The following ZNF335 variants were observed in gnomAD, a reference collection of about 807,000 sequenced individuals.
ZNF335 encodes zinc finger protein 335.
In ZNF335, 84 loss-of-function variants were observed where a neutral mutation model predicts 145.6. The observed-to-expected ratio is 0.58, with a 90% CI of 0.48 to 0.69. The LOEUF is 0.69. Among genes scored for constraint, ZNF335 ranks in the 30% least tolerant of loss-of-function variants. The probability of loss-of-function intolerance (pLI) is 0.00; values close to 1 mark genes in which losing one functional copy is unlikely to be tolerated. For missense variants in ZNF335, 1,865 were observed against 1,809.7 expected, an observed-to-expected ratio of 1.03 and a Z score of -0.55; for synonymous variants, 761 against 717.0, an observed-to-expected ratio of 1.06 and a Z score of -0.98.
chr20:45,950,349 C>T lies in ZNF335; in HGVS notation c.3357G>A (p.Lys1119=), dbSNP rs762391039. 5.7e-6 allele frequency: 9 copies of T among 1,588,426 alleles called. No homozygotes were observed. Among genetic ancestry groups the T allele is most frequent in the Non-Finnish European group, 7.7e-6 (9 of 1,164,930 alleles). ...GACTGTGCAGCCGCTGGATGTGGAACTTGAGGTGCCCGTTACGGTTGAAAC... is the reference window on the plus strand; with the variant it reads ...GACTGTGCAGCCGCTGGATGTGGAATTTGAGGTGCCCGTTACGGTTGAAAC... ...GQRFNRNGHL[K]FHIQRLHSPD... The change falls in exon 22 of 28, where the codon AAG becomes AAA. Residue 1119 remains lysine (K), a synonymous_variant. Coordinates refer to ENST00000322927, the MANE Select transcript of ZNF335 (RefSeq NM_022095.4).
At position 45,971,467 on chromosome 20, in the gene ZNF335, A is replaced by G; in HGVS notation, c.-50-7T>C. 6.3e-7 allele frequency: 1 copy of G among 1,584,602 alleles called. No individual in the cohort carries two copies. The highest frequency in any genetic ancestry group is 1.1e-5 in the South Asian group (1 of 89,284). ...AGGGTCTGGGAACTTCACTCTGAGA[A>G]GAGAGGTGACCGTGGCTGGAACAAG... is the stretch of plus-strand genomic sequence containing the variant. On this transcript the variant is annotated splice_polypyrimidine_tract_variant and splice_region_variant and intron_variant, in intron 1 of 27. Coordinates refer to ENST00000322927, the MANE Select transcript of ZNF335 (RefSeq NM_022095.4).
At chr20:45,965,863 T>G in intron 6 of ZNF335, 89 bp from the exon 7 acceptor site, 1 of 1,423,718 alleles carries the variant, frequency 7.0e-7, no homozygotes, top group Non-Finnish European at 9.3e-7. Context: ...TCCCTACCCC[T>G]GCATACTCCT....
chr20:45,960,694 G>A lies in ZNF335; in HGVS notation c.1704C>T (p.Gly568=). 5.0e-6 allele frequency: 8 copies of A among 1,614,098 alleles called. No individual in the cohort carries two copies. Among genetic ancestry groups the A allele is most frequent in the Non-Finnish European group, 6.8e-6 (8 of 1,180,014 alleles). The change falls in exon 12 of 28, where the codon GGC becomes GGT. Residue 568 remains glycine (G), a synonymous_variant. Transcript: ENST00000322927. ...GTCTTTTCTGCATGGGGTACACACG[G>A]CCACACACAGGGCAGGGGAAAGAGC... is the stretch of plus-strand genomic sequence containing the variant. ...KLSSFPCPVC[G]RVYPMQKRLT... is the part of the protein sequence containing the mutation.
intron 15 of ZNF335, 72 bp downstream of exon 15, chr20:45,959,129 C>T: frequency 1.7e-6 from 2 of 1,203,818 alleles, no homozygotes; most frequent in East Asian, 2.8e-5. Context: ...TGTTGCATCT[C>T]AATGTGCAAA....
chr20:45,963,677 G>C (rs1429540028), intron 8 of ZNF335, 27 bp from the exon 9 acceptor site: 3 of 1,613,994 alleles, frequency 1.9e-6, no homozygotes, highest in East Asian at 2.2e-5. Flanking sequence ...TGGCGGAAAG[G>C]TCTGGTGGGG....
chr20:45,954,756 C>T lies in ZNF335; in HGVS notation c.2443-808G>A, dbSNP rs1600525718. 4.1e-5 allele frequency among the ~76,000 whole-genome samples: 6 copies of T among 146,224 alleles called. 1 individual carries two copies. On this transcript the variant is annotated intron_variant, in intron 17 of 27. Transcript: ENST00000322927. ...ACAGAGAGGAGTTCAACCTCATTTA[C>T]GGTCATACAATTACTTTTTTTTTTT...
Position 45,950,442 on chromosome 20 carries a change from T to C in ZNF335, c.3332+11A>G. The C allele has an allele frequency of 6.2e-7, 1 of 1,614,184 alleles. No individual in the cohort carries two copies. The highest frequency in any genetic ancestry group is 1.6e-4 in the Middle Eastern group (1 of 6,062). Reference sequence around the variant, plus strand: ...GCCCAGCAGTCCCCACCCACCAGTATCTGGCCTCACCGCTGCCCGCAGAGG... The same window carrying C: ...GCCCAGCAGTCCCCACCCACCAGTACCTGGCCTCACCGCTGCCCGCAGAGG... On this transcript the variant is annotated intron_variant, in intron 21 of 27. Transcript: ENST00000322927.
chr20:45,963,634 G>A lies in ZNF335; in HGVS notation c.1372C>T (p.Pro458Ser). 6.2e-7 allele frequency: 1 copy of A among 1,614,246 alleles called. No homozygotes were observed. The highest frequency in any genetic ancestry group is 8.5e-7 in the Non-Finnish European group (1 of 1,180,040). ...KKYRKYYYKS[P>S]KPLLRPFLCR... ...AGGAAGGGCCTCAAAAGTGGTTTGG[G>A]CGACTTGTAATAGTACCTGCAGGAT... Residue 458 changes from proline (P) to serine (S), a missense_variant, in exon 9 of 28, where the codon CCC becomes TCC. Pro to Ser is a moderately conservative substitution (Grantham distance 74). Transcript: ENST00000322927.
chr20:45,949,921 C>CCCCT lies in ZNF335; in HGVS notation c.3591+41_3591+44dup, dbSNP rs139139942. 2.3e-3 allele frequency: 3,711 copies of CCCCT among 1,614,100 alleles called. 6 individuals are homozygous for CCCCT. Among genetic ancestry groups the CCCCT allele is most frequent in the Non-Finnish European group, 2.9e-3 (3,445 of 1,179,962 alleles). On this transcript the variant is annotated intron_variant, in intron 23 of 27. Coordinates refer to ENST00000322927, the MANE Select transcript of ZNF335 (RefSeq NM_022095.4). ...CTCTAGCCTCATTTCTCTACCCCAA[C>CCCCT]CCCTGCCTGTCGCTGGCCAGAGGGC... is the stretch of plus-strand genomic sequence containing the variant.
intron 1 of ZNF335, chr20:45,971,783 C>T (rs1194302898): frequency 3.0e-6 from 3 of 985,016 alleles, no homozygotes; most frequent in Non-Finnish European, 3.6e-6. Context: ...GCCCCCGCGT[C>T]CCCCCGGGTT....
intron 17 of ZNF335, among the ~76,000 whole-genome samples, chr20:45,957,101 C>T (rs975993439): frequency 9.9e-5 from 15 of 152,118 alleles, no homozygotes; most frequent in Admixed American, 5.2e-4. Context: ...CAGGGAGGGG[C>T]AAAGGTGTTG....
At chr20:45,959,603 GA>G (rs1203107161) in intron 14 of ZNF335, among the ~76,000 whole-genome samples, 170 bp from the exon 15 acceptor site, 1 of 152,196 alleles carries the variant, frequency 6.6e-6, no homozygotes, top group African/African-American at 2.4e-5. Flanking sequence ...GGACAGAAAT[GA>G]ATCAGGGCCG....
rs148585800 is a variant in ZNF335, at chr20:45,950,319, A to C, written c.3387T>G (p.Asp1129Glu). 3 of 1,578,186 alleles carry C rather than the reference A, an allele frequency of 1.9e-6. No individual in the cohort carries two copies. The highest frequency in any genetic ancestry group is 2.6e-6 in the Non-Finnish European group (3 of 1,160,214). ...KFHIQRLHSP[D>E]GRKSGTPTAR... The stretch of plus-strand genomic sequence containing the variant: ...CTGTAGGGGTTCCTGACTTCCTCCC[A>C]TCAGGACTGTGCAGCCGCTGGATGT... The change falls in exon 22 of 28, where the codon GAT becomes GAG. Residue 1129 changes from aspartate to glutamate, a missense_variant. Physicochemically the swap from Asp to Glu is conservative, Grantham distance 45. Transcript: ENST00000322927.
chr20:45,961,699 C>T (rs559352587), intron 10 of ZNF335: 1 of 185,946 alleles, frequency 5.4e-6, no homozygotes. Flanking sequence ...TTGTGTTTCT[C>T]TGTCTCAGGT....
rs2083610580 is a variant in ZNF335 at position 45,950,473 on chromosome 20, T to A, written c.3312A>T (p.Ala1104=). Residue 1104 remains alanine (A), a synonymous_variant, in exon 21 of 28, where the codon GCA becomes GCT. Transcript: ENST00000322927. ...CTCACCGCTGCCCGCAGAGGTGGCATGCAAAAGGCTTCTCCTTTGTGTGAG... is the reference window on the plus strand; with the variant it reads ...CTCACCGCTGCCCGCAGAGGTGGCAAGCAAAAGGCTTCTCCTTTGTGTGAG... ...MLTHTKEKPF[A]CHLCGQRFNR... The A allele has an allele frequency of 6.2e-7, 1 of 1,614,100 alleles. No homozygotes were observed. Among genetic ancestry groups the A allele is most frequent in the African/African-American group, 1.3e-5 (1 of 74,938 alleles).
chr20:45,962,726 T>C (rs2083867597), intron 9 of ZNF335, among the ~76,000 whole-genome samples: 1 of 152,064 alleles, frequency 6.6e-6, no homozygotes, highest in Admixed American at 6.5e-5. Flanking sequence ...AGGATTTAAT[T>C]ATCCAGTTAC....
rs116816891 is a variant in ZNF335, at chr20:45,959,464, C to G, written c.2021-31G>C. ...GGCACATGTTGGGGCATGCTTAAGT[C>G]TGCCCGTCCCTAGCCTACCCCCTCC... On this transcript the variant is annotated intron_variant, in intron 14 of 27. Coordinates refer to ENST00000322927, the MANE Select transcript of ZNF335 (RefSeq NM_022095.4). 6.9e-4 allele frequency: 964 copies of G among 1,392,134 alleles called. 8 individuals are homozygous for G. The African/African-American group carries it at 0.013, about 19-fold the overall frequency. The allele number at this position is 1,392,134 out of a possible 1,614,324, so 86.2% of individuals were successfully genotyped here.
chr20:45,950,487 CCTT>C lies in ZNF335; in HGVS notation c.3295_3297del (p.Lys1099del), dbSNP rs1357375194. On this transcript the variant is annotated inframe_deletion, in exon 21 of 28. Coordinates refer to ENST00000322927, the MANE Select transcript of ZNF335 (RefSeq NM_022095.4). ...CAGAGGTGGCATGCAAAAGGCTTCT[CCTT>C]TGTGTGAGTCAGCATGTGCCGACGC... 6.2e-7 allele frequency: 1 copy of C among 1,614,106 alleles called. No homozygotes were observed. The highest frequency in any genetic ancestry group is 8.5e-7 in the Non-Finnish European group (1 of 1,180,044).
chr20:45,968,556 T>C, intron 3 of ZNF335, 194 bp from the exon 4 acceptor site: 1 of 510,054 alleles, frequency 2.0e-6, no homozygotes, highest in Non-Finnish European at 3.5e-6. Flanking sequence ...GGAGGTCTAG[T>C]GTGACATGCT....
Sources: allele counts gnomAD v4.1 joint callset (sites outside exome capture counted in the v4.1 genomes callset), GRCh38; gene constraint gnomAD v4.1.1; transcripts MANE v1.5; gene names NCBI Gene and HGNC (gene_info 2026-07-23, HGNC 2026-07-21).